The following FCN1 variants were observed in gnomAD, a reference collection of about 807,000 sequenced individuals.
The protein encoded by FCN1 is ficolin-1.
A neutral mutation model predicts 35.6 loss-of-function variants in FCN1; 42 were observed. That is an observed-to-expected ratio of 1.18 (90% CI 0.92 to 1.53). The LOEUF is 1.53. Ranked by LOEUF, FCN1 falls within the 40% of genes most tolerant of loss-of-function variation. The probability of loss-of-function intolerance (pLI) is 0.00; values close to 1 mark genes in which losing one functional copy is unlikely to be tolerated. For missense variants in FCN1, 439 were observed against 428.4 expected (o/e 1.02, Z -0.22); for synonymous variants, 179 against 169.8 (o/e 1.05, Z -0.42).
chr9:134,905,853 T>TTCTC lies in FCN1; in HGVS notation c.*3944_*3945insGAGA, dbSNP rs1564215271. On this transcript the variant is annotated 3_prime_UTR_variant, in exon 9 of 9. Transcript: ENST00000371806. ...CTCTTCCTCTTCCTCTTCCTCTTCC[T>TTCTC]CTTCCTCTTCCTCTTCTTCTTCTTC... 3 of 35,878 alleles carry TTCTC rather than the reference T, an allele frequency of 8.4e-5. No homozygotes were observed. Among genetic ancestry groups the TTCTC allele is most frequent in the African/African-American group, 6.0e-4 (2 of 3,360 alleles). The allele number at this position is 35,878 out of a possible 1,614,324, so 2.2% of individuals were successfully genotyped here.
chr9:134,911,016 T>C (rs1036144084), intron 8 of FCN1, 117 bp downstream of exon 8: 11 of 1,077,130 alleles, frequency 1.0e-5, no homozygotes, highest in South Asian at 4.3e-5. Context: ...GTCTGCTTCA[T>C]AGATGGAGAA....
At position 134,903,521 on chromosome 9, in the gene FCN1, C is replaced by T. The variant is rs1381410495; in HGVS notation, c.*6277G>A. Among the ~76,000 whole-genome samples, 1 of 151,764 alleles carries T rather than the reference C, an allele frequency of 6.6e-6. No individual in the cohort carries two copies. Among genetic ancestry groups the T allele is most frequent in the Non-Finnish European group, 1.5e-5 (1 of 67,930 alleles). On this transcript the variant is annotated 3_prime_UTR_variant, in exon 9 of 9. Coordinates refer to ENST00000371806, the MANE Select transcript of FCN1 (RefSeq NM_002003.5). ...ACACAATTTTAAATAAACCATGGGC[C>T]AAAGGAAAAGTCACAGAGGAAACTC...
At position 134,914,411 on chromosome 9, in the gene FCN1, C is replaced by T. The variant is rs772295352; in HGVS notation, c.281G>A (p.Gly94Glu). The T allele has an allele frequency of 1.2e-5, 20 of 1,614,058 alleles. No homozygotes were observed. Among genetic ancestry groups the T allele is most frequent in the Non-Finnish European group, 1.6e-5 (19 of 1,180,000 alleles). Reference protein sequence around the residue: ...AGPVGPKGDRGEKGMRGEKGD... With the variant: ...AGPVGPKGDREEKGMRGEKGD... The stretch of plus-strand genomic sequence containing the variant: ...TTTCTCTCCACGCATCCCCTTCTCT[C>T]CTCGGTCTCCTGGAGGAAGAGGCAG... Residue 94 changes from glycine to glutamate, a missense_variant, in exon 4 of 9, where the codon GGA (glycine) becomes GAA (glutamate). Coordinates refer to ENST00000371806, the MANE Select transcript of FCN1 (RefSeq NM_002003.5).
Position 134,904,099 on chromosome 9 carries a change from T to G in FCN1, c.*5699A>C, listed in dbSNP as rs941142971. Among the ~76,000 whole-genome samples the G allele has an allele frequency of 6.6e-6, 1 of 152,202 alleles. No individual in the cohort carries two copies. The highest frequency in any genetic ancestry group is 2.4e-5 in the African/African-American group (1 of 41,458). ...AAGAGGGAGTAGAGTAATAGCAATA[T>G]TTAAGAGATAATGGCTAGCATTTTT... On this transcript the variant is annotated 3_prime_UTR_variant, in exon 9 of 9. Coordinates refer to ENST00000371806, the MANE Select transcript of FCN1 (RefSeq NM_002003.5).
At chr9:134,914,663 GTGTCTC>G (rs1831069474) in intron 3 of FCN1, 87 bp downstream of exon 3, 5 of 962,084 alleles carry the variant, frequency 5.2e-6, no homozygotes, top group Non-Finnish European at 8.1e-6. Flanking sequence ...GTCTGTGTCT[GTGTCTC>G]TGTCTCTGTC....
In FCN1 at chr9:134,907,608, A is replaced by T. The variant is rs1182126767; in HGVS notation, c.*2190T>A. ...CACCCTCAAATACAATCACTTTCTT[A>T]TTTTTCCTGTATACATTTACCACCT... On this transcript the variant is annotated 3_prime_UTR_variant, in exon 9 of 9. Coordinates refer to ENST00000371806, the MANE Select transcript of FCN1 (RefSeq NM_002003.5). 3 of 151,900 alleles carry T rather than the reference A, an allele frequency of 2.0e-5. No individual in the cohort carries two copies. Among genetic ancestry groups the T allele is most frequent in the South Asian group, 2.1e-4 (1 of 4,822 alleles). 9.4% of individuals were successfully genotyped at this position (151,900 alleles called of 1,614,324 possible).
chr9:134,910,115 C>G, intron 8 of FCN1, 70 bp from the exon 9 acceptor site: 1 of 1,417,048 alleles, frequency 7.1e-7, no homozygotes, highest in African/African-American at 1.4e-5. Context: ...CTCACCACAT[C>G]CTGCCTCTGA....
At chr9:134,916,017 A>G (rs1371241384) in intron 2 of FCN1, among the ~76,000 whole-genome samples, 1 of 152,192 alleles carries the variant, frequency 6.6e-6, no homozygotes, top group African/African-American at 2.4e-5. Flanking sequence ...CGGTCACCTC[A>G]ATTTTCAGGT....
At chr9:134,910,384 C>T (rs754066776) in intron 8 of FCN1, among the ~76,000 whole-genome samples, 1 of 152,174 alleles carries the variant, frequency 6.6e-6, no homozygotes, top group African/African-American at 2.4e-5. Context: ...TCCCCACGTC[C>T]CCTGGTGGCC....
In FCN1 at chr9:134,909,901, A is replaced by C. The variant is rs886559058; in HGVS notation, c.878T>G (p.Leu293Arg). 22 of 1,613,994 alleles carry C rather than the reference A, an allele frequency of 1.4e-5. No homozygotes were observed. The highest frequency in any genetic ancestry group is 1.9e-5 in the Non-Finnish European group (22 of 1,180,024). Reference sequence around the variant, plus strand: ...GGCATAGCTCTCATGGGGTCCCATGAGGTAGAGACCATTGAGGTTTGAAGC... The same window carrying C: ...GGCATAGCTCTCATGGGGTCCCATGCGGTAGAGACCATTGAGGTTTGAAGC... ...CHASNLNGLY[L>R]MGPHESYANG... The change falls in exon 9 of 9, where the codon CTC becomes CGC. Residue 293 changes from leucine (L) to arginine (R), a missense_variant. Transcript: ENST00000371806.
chr9:134,914,707 G>C (rs1490109219), intron 3 of FCN1, 49 bp downstream of exon 3: 16 of 1,354,970 alleles, frequency 1.2e-5, no homozygotes, highest in Non-Finnish European at 1.7e-5. Flanking sequence ...ATTACAGACA[G>C]CTCCAAGGTC....
Position 134,905,039 on chromosome 9 carries a change from T to A in FCN1, c.*4759A>T, listed in dbSNP as rs550622944. On this transcript the variant is annotated 3_prime_UTR_variant, in exon 9 of 9. Coordinates refer to ENST00000371806, the MANE Select transcript of FCN1 (RefSeq NM_002003.5). Reference sequence around the variant, plus strand: ...AAGGGAGTGAATGTAGTTAGAGGTGTTTCAAAGTCTTCATTGGTAAAGTGG... The same window carrying A: ...AAGGGAGTGAATGTAGTTAGAGGTGATTCAAAGTCTTCATTGGTAAAGTGG... Among the ~76,000 whole-genome samples the A allele has an allele frequency of 6.6e-6, 1 of 152,220 alleles. No homozygotes were observed. The highest frequency in any genetic ancestry group is 2.1e-4 in the South Asian group (1 of 4,820).
rs1162552473 is a variant in FCN1 at position 134,904,642 on chromosome 9, T to C, written c.*5156A>G. Reference sequence around the variant, plus strand: ...AAAAAATACAAAAATTAGCCCAGCGTAGTGGTGCACACCTGTAGTCCCAGC... The same window carrying C: ...AAAAAATACAAAAATTAGCCCAGCGCAGTGGTGCACACCTGTAGTCCCAGC... On this transcript the variant is annotated 3_prime_UTR_variant, in exon 9 of 9. Coordinates refer to ENST00000371806, the MANE Select transcript of FCN1 (RefSeq NM_002003.5). Among the ~76,000 whole-genome samples, 1 of 152,048 alleles carries C rather than the reference T, an allele frequency of 6.6e-6. No homozygotes were observed. Among genetic ancestry groups the C allele is most frequent in the Non-Finnish European group, 1.5e-5 (1 of 68,008 alleles).
In FCN1 at chr9:134,909,115, G is replaced by T; in HGVS notation, c.*683C>A. 1 of 969,212 alleles carries T rather than the reference G, an allele frequency of 1.0e-6. No homozygotes were observed. The highest frequency in any genetic ancestry group is 1.4e-6 in the Non-Finnish European group (1 of 719,852). 60.0% of individuals were successfully genotyped at this position (969,212 alleles called of 1,614,324 possible). On this transcript the variant is annotated 3_prime_UTR_variant, in exon 9 of 9. Transcript: ENST00000371806. ...GCGGTCCCCTCTAGCTGAGGTCTGT[G>T]TGTGGGAGGAAGGCCTCTTCGGAAT...
At chr9:134,913,250 G>A (rs561404938) in intron 5 of FCN1, 107 bp from the exon 6 acceptor site, 27 of 1,412,554 alleles carry the variant, frequency 1.9e-5, no homozygotes, top group East Asian at 1.7e-4. Context: ...GCTTCTGTGC[G>A]GACCGAGCAG....
intron 7 of FCN1, 138 bp downstream of exon 7, chr9:134,912,348 A>T (rs1831033459): frequency 1.2e-6 from 1 of 841,574 alleles, no homozygotes; most frequent in Non-Finnish European, 1.8e-6. Context: ...CAGCCCTTAG[A>T]GGTCCCAGTG....
At chr9:134,914,561 CA>C in intron 3 of FCN1, 141 bp from the exon 4 acceptor site, 1 of 990,612 alleles carries the variant, frequency 1.0e-6, no homozygotes, top group Non-Finnish European at 1.6e-6. Flanking sequence ...GCCCAGGTCT[CA>C]ATGGTGGGGA....
In FCN1 at chr9:134,913,191, G is replaced by A. The variant is rs1164380271; in HGVS notation, c.341-48C>T. 3 of 1,609,676 alleles carry A rather than the reference G, an allele frequency of 1.9e-6. No homozygotes were observed. The African/African-American group carries it at 4.0e-5, about 21-fold the overall frequency. ...GGCTGCAGGACGGGGGCCCTGGGCA[G>A]GACAGGGGCAGTGGGAGGGAGGCCC... On this transcript the variant is annotated intron_variant, in intron 5 of 8. Transcript: ENST00000371806.
chr9:134,914,550 C>T (rs976099479), intron 3 of FCN1, 130 bp from the exon 4 acceptor site: 31 of 1,029,020 alleles, frequency 3.0e-5, no homozygotes, highest in South Asian at 9.6e-5. Flanking sequence ...GGCATCACAA[C>T]GCCCAGGTCT....
Sources: gnomAD v4.1 joint callset for allele counts (sites outside exome capture counted in the v4.1 genomes callset) on GRCh38, gnomAD v4.1.1 for gene constraint, MANE v1.5 for transcripts, NCBI Gene and HGNC (gene_info 2026-07-23, HGNC 2026-07-21) for gene names.